CNTNAP5: variants seen among roughly 807,000 people sequenced by gnomAD.
The protein encoded by CNTNAP5 is contactin-associated protein-like 5.
In CNTNAP5, 72 loss-of-function variants were observed where a neutral mutation model predicts 150.2. The ratio of observed to expected loss-of-function variants is 0.48; its 90% confidence interval spans 0.40 to 0.58. CNTNAP5 has a LOEUF of 0.58. Among genes scored for constraint, CNTNAP5 ranks in the 20% least tolerant of loss-of-function variants. CNTNAP5 has a pLI of 0.00. For synonymous variants in CNTNAP5, 672 were observed against 619.8 expected, an observed-to-expected ratio of 1.08 and a Z score of -1.25; for missense variants, 1,636 against 1,626.2, an observed-to-expected ratio of 1.01 and a Z score of -0.10.
intron 19 of CNTNAP5, among the ~76,000 whole-genome samples, chr2:124,808,093 C>G (rs1682119475): frequency 1.3e-5 from 2 of 152,170 alleles, no homozygotes; most frequent in Non-Finnish European, 2.9e-5. Flanking sequence ...ACCCACCAGC[C>G]AAATCCCACA....
intron 6 of CNTNAP5, 87 bp downstream of exon 6, chr2:124,447,024 A>G: frequency 7.6e-7 from 1 of 1,317,804 alleles, no homozygotes; most frequent in Non-Finnish European, 1.1e-6. Flanking sequence ...AACTGAGAGA[A>G]GTGGTGGGGC....
At chr2:124,321,821 G>A (rs77456198) in intron 3 of CNTNAP5, among the ~76,000 whole-genome samples, 12,139 of 152,176 alleles carry the variant, frequency 0.08, 524 homozygotes, top group Non-Finnish European at 0.09. Context: ...TCTGTTAAGA[G>A]GATTCTAATT....
chr2:124,634,314 G>A (rs1677927347), intron 12 of CNTNAP5, among the ~76,000 whole-genome samples: 1 of 152,174 alleles, frequency 6.6e-6, no homozygotes, highest in African/African-American at 2.4e-5. Context: ...AAGCTCTGCT[G>A]CTTAGAAATG....
intron 13 of CNTNAP5, among the ~76,000 whole-genome samples, chr2:124,673,773 AAAAAG>A (rs987949384): frequency 4.6e-5 from 7 of 152,028 alleles, no homozygotes; most frequent in African/African-American, 1.7e-4. Context: ...TTAAAAAAAA[AAAAAG>A]AGATCCTCTA....
intron 3 of CNTNAP5, among the ~76,000 whole-genome samples, chr2:124,357,836 C>T: frequency 6.7e-6 from 1 of 148,746 alleles, no homozygotes. Flanking sequence ...TTTTCCAATT[C>T]TGTGAAGAAA....
chr2:124,662,278 G>A (rs1678608373), intron 13 of CNTNAP5, among the ~76,000 whole-genome samples: 1 of 152,142 alleles, frequency 6.6e-6, no homozygotes, highest in Admixed American at 6.5e-5. Context: ...GAACAGTGCT[G>A]TGATAAACAT....
intron 3 of CNTNAP5, among the ~76,000 whole-genome samples, chr2:124,304,838 G>A: frequency 6.6e-6 from 1 of 152,090 alleles, no homozygotes; most frequent in East Asian, 1.9e-4. Context: ...TCCATTGTTT[G>A]TGCACTGACC....
intron 3 of CNTNAP5, among the ~76,000 whole-genome samples, chr2:124,252,306 C>T (rs371440216): frequency 6.6e-6 from 1 of 152,166 alleles, no homozygotes; most frequent in Non-Finnish European, 1.5e-5. Context: ...ACCAGAGAAG[C>T]TTTGTTTAGA....
At chr2:124,328,264 T>C (rs1219071103) in intron 3 of CNTNAP5, among the ~76,000 whole-genome samples, 1 of 152,156 alleles carries the variant, frequency 6.6e-6, no homozygotes, top group Non-Finnish European at 1.5e-5. Flanking sequence ...GGTTTCTACA[T>C]TGCAGATTTT....
At chr2:124,488,517 G>A (rs1693944803) in intron 7 of CNTNAP5, among the ~76,000 whole-genome samples, 1 of 152,102 alleles carries the variant, frequency 6.6e-6, no homozygotes, top group Non-Finnish European at 1.5e-5. Context: ...GCTGTGATGT[G>A]CTTAACACAC....
chr2:124,173,999 A>G (rs970302791), intron 1 of CNTNAP5, among the ~76,000 whole-genome samples: 1 of 152,064 alleles, frequency 6.6e-6, no homozygotes, highest in Admixed American at 6.6e-5. Context: ...GTATGCTGAT[A>G]TAATCTACTT....
At chr2:124,368,940 C>T (rs1173066867) in intron 3 of CNTNAP5, among the ~76,000 whole-genome samples, 1 of 152,146 alleles carries the variant, frequency 6.6e-6, no homozygotes, top group Non-Finnish European at 1.5e-5. Flanking sequence ...ACTGAATACC[C>T]ATTTTATCTT....
chr2:124,464,734 G>C (rs767098515), intron 6 of CNTNAP5, among the ~76,000 whole-genome samples: 11 of 152,154 alleles, frequency 7.2e-5, no homozygotes, highest in Non-Finnish European at 1.3e-4. Context: ...CAGAAAATTG[G>C]AATTTTTGTC....
intron 3 of CNTNAP5, among the ~76,000 whole-genome samples, chr2:124,398,527 GCT>G (rs1380035928): frequency 8.2e-6 from 1 of 121,816 alleles, no homozygotes; most frequent in African/African-American, 2.7e-5. Context: ...ATGAAGTTTT[GCT>G]CTTTTTGCCC....
intron 3 of CNTNAP5, among the ~76,000 whole-genome samples, chr2:124,280,922 C>T (rs932531491): frequency 1.3e-5 from 2 of 152,082 alleles, no homozygotes; most frequent in Admixed American, 6.6e-5. Context: ...CTTCCCATAA[C>T]CAAAATATTC....
chr2:124,653,386 A>G (rs936627884), intron 13 of CNTNAP5, among the ~76,000 whole-genome samples: 1 of 151,454 alleles, frequency 6.6e-6, no homozygotes, highest in Non-Finnish European at 1.5e-5. Context: ...GGATAAATAT[A>G]TATGTGTCTG....
chr2:124,834,264 T>G (rs1481594983), intron 19 of CNTNAP5, among the ~76,000 whole-genome samples: 2 of 152,216 alleles, frequency 1.3e-5, no homozygotes, highest in South Asian at 4.1e-4. Flanking sequence ...ATTCTAAAGC[T>G]GATGTCTAGT....
At chr2:124,705,671 A>G (rs908493804) in intron 13 of CNTNAP5, among the ~76,000 whole-genome samples, 1 of 152,202 alleles carries the variant, frequency 6.6e-6, no homozygotes, top group Admixed American at 6.5e-5. Context: ...ATACAATTCC[A>G]TAAAACAAAT....
chr2:124,758,578 G>T (rs1385677338), intron 14 of CNTNAP5, among the ~76,000 whole-genome samples: 3 of 152,060 alleles, frequency 2.0e-5, no homozygotes, highest in Non-Finnish European at 2.9e-5. Context: ...TCAGTGGACT[G>T]AAGGGGAAAA....
Sources: gnomAD v4.1 joint callset for allele counts (sites outside exome capture counted in the v4.1 genomes callset) on GRCh38, gnomAD v4.1.1 for gene constraint, MANE v1.5 for transcripts, NCBI Gene and HGNC (gene_info 2026-07-23, HGNC 2026-07-21) for gene names.